The following DCLK1 variants were observed in gnomAD, a reference collection of about 807,000 sequenced individuals.
DCLK1 encodes the protein doublecortin like kinase 1, also known as serine/threonine-protein kinase DCLK1.
Under a neutral mutation model 86.2 loss-of-function variants are expected in DCLK1, and 16 were observed. The observed-to-expected ratio is 0.19, with a 90% CI of 0.13 to 0.28. The LOEUF is 0.28. Ranked by LOEUF, DCLK1 falls within the 10% of genes least tolerant of loss-of-function variation. The pLI, the probability that DCLK1 is intolerant of heterozygous loss-of-function variation, is 1.00. For synonymous variants in DCLK1, 369 were observed against 370.5 expected (o/e 1.00, Z 0.05); for missense variants, 590 against 940.2 (o/e 0.63, Z 4.87).
intron 3 of DCLK1, among the ~76,000 whole-genome samples, chr13:36,091,712 A>G (rs1362045924): frequency 1.3e-5 from 2 of 152,338 alleles, no homozygotes; most frequent in Middle Eastern, 3.4e-3. Flanking sequence ...CTAGCGTGAT[A>G]TGTGTCATAT....
chr13:35,868,979 TG>T, intron 5 of DCLK1: 1 of 385,104 alleles, frequency 2.6e-6, no homozygotes, highest in South Asian at 1.9e-5. Context: ...TTAGTAGAGA[TG>T]GGGTTTCACT....
chr13:36,035,996 G>A (rs1882473848), intron 3 of DCLK1, among the ~76,000 whole-genome samples: 1 of 152,070 alleles, frequency 6.6e-6, no homozygotes, highest in Non-Finnish European at 1.5e-5. Context: ...ACTAGACTCT[G>A]GAGGCAGGAC....
intron 2 of DCLK1, among the ~76,000 whole-genome samples, chr13:36,122,407 C>A (rs1229883063): frequency 6.6e-6 from 1 of 152,160 alleles, no homozygotes; most frequent in African/African-American, 2.4e-5. Context: ...GATTACATAT[C>A]TACAGAGTTT....
intron 3 of DCLK1, among the ~76,000 whole-genome samples, chr13:36,028,443 T>G (rs972680559): frequency 3.9e-5 from 6 of 152,172 alleles, no homozygotes; most frequent in Non-Finnish European, 8.8e-5. Context: ...GCTGGTGACC[T>G]CTCCAGCTTC....
rs1034754224 is a variant in DCLK1 at position 35,770,412 on chromosome 13, C to A, written c.*4123G>T. 7 of 152,172 alleles carry A rather than the reference C, an allele frequency of 4.6e-5. No homozygotes were observed. The highest frequency in any genetic ancestry group is 1.0e-4 in the Non-Finnish European group (7 of 68,028). 9.4% of individuals were successfully genotyped at this position (152,172 alleles called of 1,614,324 possible). On this transcript the variant is annotated 3_prime_UTR_variant, in exon 17 of 17. Transcript: ENST00000360631. ...TGCTTTTAATCACTATTTTCCCCAA[C>A]AGACTAGAATGGCTCCATGAAATTT...
chr13:36,050,887 A>T (rs929749789), intron 3 of DCLK1, among the ~76,000 whole-genome samples: 1 of 152,164 alleles, frequency 6.6e-6, no homozygotes, highest in Non-Finnish European at 1.5e-5. Context: ...GGACCAGTTC[A>T]GAAACCAGTC....
chr13:36,050,467 G>T (rs1475331426), intron 3 of DCLK1, among the ~76,000 whole-genome samples: 1 of 152,052 alleles, frequency 6.6e-6, no homozygotes, highest in Non-Finnish European at 1.5e-5. Context: ...AACAGAGAGG[G>T]TCAGGGAGAA....
intron 3 of DCLK1, among the ~76,000 whole-genome samples, chr13:36,015,466 C>T (rs1393468326): frequency 6.6e-6 from 1 of 152,102 alleles, no homozygotes; most frequent in Non-Finnish European, 1.5e-5. Flanking sequence ...GCTTTGGAAA[C>T]AGAAGGCATT....
intron 4 of DCLK1, among the ~76,000 whole-genome samples, chr13:35,928,886 G>GGT (rs1444999997): frequency 1.3e-5 from 2 of 152,270 alleles, no homozygotes; most frequent in African/African-American, 4.8e-5. Context: ...CATAGCATAT[G>GGT]GTGACATTTT....
At chr13:35,953,418 A>T (rs1877811266) in intron 3 of DCLK1, among the ~76,000 whole-genome samples, 1 of 152,204 alleles carries the variant, frequency 6.6e-6, no homozygotes. Flanking sequence ...TATTAATAGT[A>T]TATAATAAAA....
In DCLK1 at chr13:36,111,849, C is replaced by T; in HGVS notation, c.723+20G>A. The T allele has an allele frequency of 6.3e-7, 1 of 1,591,116 alleles. No homozygotes were observed. The highest frequency in any genetic ancestry group is 8.6e-7 in the Non-Finnish European group (1 of 1,164,398). On this transcript the variant is annotated intron_variant, in intron 3 of 16. Coordinates refer to ENST00000360631, the MANE Select transcript of DCLK1 (RefSeq NM_001330071.2). ...GGTTCTTGCCTTAAAGTCAAAGTCA[C>T]ATCACAATATGTCTCTTACCTGTTT...
intron 3 of DCLK1, among the ~76,000 whole-genome samples, chr13:36,110,800 T>C (rs1218801154): frequency 1.3e-5 from 2 of 151,620 alleles, no homozygotes; most frequent in Admixed American, 1.3e-4. Context: ...TCTGAATGAC[T>C]AGCAAATCAT....
chr13:35,847,761 G>C, intron 6 of DCLK1: 1 of 985,116 alleles, frequency 1.0e-6, no homozygotes, highest in Non-Finnish European at 1.2e-6. Flanking sequence ...GGTTCAAATG[G>C]TTTTAGAAAA....
chr13:36,013,892 T>C (rs1051909108), intron 3 of DCLK1, among the ~76,000 whole-genome samples: 8 of 152,216 alleles, frequency 5.3e-5, no homozygotes, highest in African/African-American at 1.7e-4. Context: ...TCCGTGGGCT[T>C]AGGACCCTCC....
chr13:35,863,504 A>T (rs1437463174), intron 5 of DCLK1, among the ~76,000 whole-genome samples: 1 of 152,218 alleles, frequency 6.6e-6, no homozygotes. Flanking sequence ...GCTGGGGTGA[A>T]CACTAGGAAG....
chr13:35,994,776 G>A lies in DCLK1; in HGVS notation c.724-47319C>T, dbSNP rs544343430. ...GCATGGAACATGAACTTCTGAACCT[G>A]ACCTAAAGCTATTATGGGCTTTAAA... is the stretch of plus-strand genomic sequence containing the variant. On this transcript the variant is annotated intron_variant, in intron 3 of 16. Coordinates refer to ENST00000360631, the MANE Select transcript of DCLK1 (RefSeq NM_001330071.2). 1.4e-4 allele frequency among the ~76,000 whole-genome samples: 22 copies of A among 152,288 alleles called. 1 individual carries two copies. In the East Asian group the frequency reaches 4.2e-3, roughly 29 times the overall value.
chr13:36,085,103 T>C (rs981777625), intron 3 of DCLK1, among the ~76,000 whole-genome samples: 1 of 152,168 alleles, frequency 6.6e-6, no homozygotes, highest in Non-Finnish European at 1.5e-5. Context: ...AGTATATTAT[T>C]AAAATAATTA....
chr13:35,926,132 C>T (rs1348735461), intron 4 of DCLK1, among the ~76,000 whole-genome samples: 1 of 151,694 alleles, frequency 6.6e-6, no homozygotes, highest in Non-Finnish European at 1.5e-5. Flanking sequence ...GATCTTGGCT[C>T]ACTGCAATGT....
At position 36,117,030 on chromosome 13, in the gene DCLK1, A is replaced by G. The variant is rs532965151; in HGVS notation, c.377-4815T>C. On this transcript the variant is annotated intron_variant, in intron 2 of 16. Coordinates refer to ENST00000360631, the MANE Select transcript of DCLK1 (RefSeq NM_001330071.2). Reference sequence around the variant, plus strand: ...TATTTCCCAAAGGTGCTTATGGGTCATTCTTTTGCAGAAGTCTTCCGTAAC... The same window carrying G: ...TATTTCCCAAAGGTGCTTATGGGTCGTTCTTTTGCAGAAGTCTTCCGTAAC... 4.1e-4 allele frequency among the ~76,000 whole-genome samples: 63 copies of G among 152,334 alleles called. No homozygotes were observed. The South Asian group carries it at 8.7e-3, about 21-fold the overall frequency.
Sources: allele counts gnomAD v4.1 joint callset (sites outside exome capture counted in the v4.1 genomes callset), GRCh38; gene constraint gnomAD v4.1.1; transcripts MANE v1.5; gene names NCBI Gene and HGNC (gene_info 2026-07-23, HGNC 2026-07-21).